CFAP119: variants seen among roughly 807,000 people sequenced by gnomAD.
CFAP119 encodes cilia and flagella associated protein 119.
At chr16:30,761,933 G>T in the CFAP119 span, 1 of 617,984 alleles carries the variant, frequency 1.6e-6, no homozygotes, top group Non-Finnish European at 2.7e-6. Context: ...GGCGACGGTT[G>T]CCAAGGGGGC....
At chr16:30,760,179 C>CA in the CFAP119 span, 1 of 1,602,722 alleles carries the variant, frequency 6.2e-7, no homozygotes, top group Non-Finnish European at 8.5e-7. Context: ...CTAATAATGA[C>CA]ATATTCCAGG....
At chr16:30,761,383 T>C in the CFAP119 span, 1 of 1,389,376 alleles carries the variant, frequency 7.2e-7, no homozygotes, top group Non-Finnish European at 1.0e-6. Context: ...CCCTAGGTGC[T>C]CTACGCGAGC....
the CFAP119 span, chr16:30,757,864 G>C: frequency 7.4e-7 from 1 of 1,358,186 alleles, no homozygotes; most frequent in Non-Finnish European, 9.6e-7. Context: ...TTCAAATTCT[G>C]ATCCCTACTC....
At chr16:30,758,378 T>G in the CFAP119 span, 1 of 154,010 alleles carries the variant, frequency 6.5e-6, no homozygotes, top group Non-Finnish European at 1.4e-5. Context: ...GCCTGTTCTT[T>G]GTTTTTTTTT....
At chr16:30,759,169 C>G in the CFAP119 span, 1 of 1,614,230 alleles carries the variant, frequency 6.2e-7, no homozygotes, top group Non-Finnish European at 8.5e-7. Context: ...CCCTGGCACT[C>G]TCCCTTACCC....
chr16:30,761,173 G>A, the CFAP119 span: 247 of 1,612,786 alleles, frequency 1.5e-4, 2 homozygotes, highest in South Asian at 2.5e-3. Flanking sequence ...AATATTCAGT[G>A]TAATTTTTGT....
At chr16:30,759,431 T>C in the CFAP119 span, 2 of 1,614,220 alleles carry the variant, frequency 1.2e-6, no homozygotes, top group Non-Finnish European at 8.5e-7. Context: ...TGTTCCTCTT[T>C]GAAGAGGTCG....
At chr16:30,759,335 C>G in the CFAP119 span, 1 of 1,613,256 alleles carries the variant, frequency 6.2e-7, no homozygotes, top group Non-Finnish European at 8.5e-7. Flanking sequence ...GGTCCACCAC[C>G]CCCTACCTGG....
chr16:30,760,827 A>C, the CFAP119 span: 3 of 689,506 alleles, frequency 4.4e-6, no homozygotes, highest in Non-Finnish European at 7.7e-6. Context: ...TCTGGGCCTA[A>C]ATGAACTCTT....
At chr16:30,761,311 G>A in the CFAP119 span, 1 of 1,584,492 alleles carries the variant, frequency 6.3e-7, no homozygotes, top group South Asian at 1.1e-5. Context: ...AGAAGCCGCT[G>A]TAACTTGCCA....
chr16:30,759,185 ACTCT>A, the CFAP119 span: 1 of 1,613,732 alleles, frequency 6.2e-7, no homozygotes, highest in Non-Finnish European at 8.5e-7. Context: ...TACCCGTCTC[ACTCT>A]CTGGCCACAG....
chr16:30,759,828 C>G, the CFAP119 span: 1 of 1,496,598 alleles, frequency 6.7e-7, no homozygotes, highest in Non-Finnish European at 8.9e-7. Context: ...GCAGACAGAT[C>G]TGGGTTTCAG....
chr16:30,759,020 G>C, the CFAP119 span: 10 of 1,614,214 alleles, frequency 6.2e-6, no homozygotes, highest in Non-Finnish European at 8.5e-6. Flanking sequence ...ACTTGGCTCT[G>C]GCTCTGGTGG....
chr16:30,761,741 T>C, the CFAP119 span: 5 of 1,522,716 alleles, frequency 3.3e-6, no homozygotes, highest in African/African-American at 1.4e-5. Flanking sequence ...GGTCTTGCGG[T>C]TGAGCATCTC....
At chr16:30,761,558 G>C in the CFAP119 span, 1 of 1,536,168 alleles carries the variant, frequency 6.5e-7, no homozygotes, top group Non-Finnish European at 8.7e-7. Context: ...AAACAAGTTG[G>C]CTCCGGGGTC....
chr16:30,761,460 C>T, the CFAP119 span: 1 of 1,513,446 alleles, frequency 6.6e-7, no homozygotes, highest in South Asian at 1.2e-5. Context: ...ACGTCCCGAA[C>T]GTTAGTAAGC....
At chr16:30,760,735 T>C in the CFAP119 span, 3 of 1,428,842 alleles carry the variant, frequency 2.1e-6, no homozygotes, top group Non-Finnish European at 2.9e-6. Context: ...TGACAGCTAG[T>C]GCGTGAGACT....
the CFAP119 span, chr16:30,761,767 C>T: frequency 1.3e-6 from 2 of 1,508,046 alleles, no homozygotes; most frequent in Non-Finnish European, 1.8e-6. Flanking sequence ...TCTTCCGTGC[C>T]GCGAGGCGCC....
the CFAP119 span, chr16:30,759,812 T>A: frequency 2.0e-6 from 3 of 1,515,926 alleles, no homozygotes; most frequent in African/African-American, 4.2e-5. Context: ...ACCATGAGCT[T>A]CAGAAGCAGA....
Sources: allele counts gnomAD v4.1 joint callset, GRCh38; gene constraint gnomAD v4.1.1; transcripts MANE v1.5; gene names NCBI Gene and HGNC (gene_info 2026-07-23, HGNC 2026-07-21).